DMXL2: variants seen among roughly 807,000 people sequenced by gnomAD.
DMXL2 encodes Dmx like 2, also known as dmX-like protein 2.
Under a neutral mutation model 331.1 loss-of-function variants are expected in DMXL2, and 103 were observed. The observed-to-expected ratio is 0.31, with a 90% CI of 0.27 to 0.37. The LOEUF (loss-of-function observed/expected upper bound fraction) is 0.37, where lower values mean the gene tolerates loss of function less well. Among genes scored for constraint, DMXL2 ranks in the 10% least tolerant of loss-of-function variants. The pLI is 1.00. For missense variants in DMXL2, 3,171 were observed against 3,642.9 expected (o/e 0.87, Z 3.33); for synonymous variants, 1,281 against 1,252.1 (o/e 1.02, Z -0.49).
intron 8 of DMXL2, among the ~76,000 whole-genome samples, chr15:51,543,707 G>GT (rs2048733043): frequency 6.6e-6 from 1 of 152,036 alleles, no homozygotes; most frequent in Non-Finnish European, 1.5e-5. Context: ...CAAGTGGCTC[G>GT]TAAGTCAGAC....
At chr15:51,568,590 AG>A (rs2050447463) in intron 2 of DMXL2, 32 bp from the exon 3 acceptor site, 1 of 1,369,912 alleles carries the variant, frequency 7.3e-7, no homozygotes, top group South Asian at 1.3e-5. Flanking sequence ...ATTAATATCT[AG>A]AAAAGGGTAA....
rs1370723425 is a variant in DMXL2 at position 51,507,187 on chromosome 15, T to C, written c.2711A>G (p.Asn904Ser). The change falls in exon 16 of 44, where the codon AAC (asparagine) becomes AGC (serine). Residue 904 changes from asparagine to serine, a missense_variant. Asn to Ser is a conservative substitution (Grantham distance 46). Around this residue, in one of 7 missense-constraint regions of DMXL2, gnomAD observed 1,674 missense variants for 1,780.2 expected, o/e 0.94. Transcript: ENST00000560891. Reference protein sequence around the residue: ...LVVIEKDSNNNSILHMWHLHL... With the variant: ...LVVIEKDSNNSSILHMWHLHL... ...AAGGTGCCACATATGCAGAATAGAGTTATTATTGCTGTCCTTCTCAATTAC... is the reference window on the plus strand; with the variant it reads ...AAGGTGCCACATATGCAGAATAGAGCTATTATTGCTGTCCTTCTCAATTAC... The C allele has an allele frequency of 6.2e-7, 1 of 1,611,046 alleles. No homozygotes were observed. The highest frequency in any genetic ancestry group is 8.5e-7 in the Non-Finnish European group (1 of 1,178,300).
intron 8 of DMXL2, among the ~76,000 whole-genome samples, chr15:51,544,716 C>T (rs926823050): frequency 6.6e-6 from 1 of 152,028 alleles, no homozygotes; most frequent in Non-Finnish European, 1.5e-5. Flanking sequence ...AGACTGTAAA[C>T]AAATTAAGTA....
intron 1 of DMXL2, among the ~76,000 whole-genome samples, chr15:51,589,444 TCAGTA>T (rs1475094677): frequency 6.6e-6 from 1 of 152,208 alleles, no homozygotes; most frequent in Admixed American, 6.5e-5. Flanking sequence ...TGCTCTTACT[TCAGTA>T]CATTTGCCTC....
At chr15:51,475,989 T>C (rs1048554301) in intron 27 of DMXL2, among the ~76,000 whole-genome samples, 1 of 152,342 alleles carries the variant, frequency 6.6e-6, no homozygotes, top group South Asian at 2.1e-4. Flanking sequence ...TTGCAATTTT[T>C]TGCAAGTCTG....
rs71127197 is a variant in DMXL2 at position 51,566,232 on chromosome 15, GGTGTGTGTGTGTGTGTGTGTGTGTGTGT to G, written c.286-1094_286-1067del. Among the ~76,000 whole-genome samples, 210 of 144,840 alleles carry G rather than the reference GGTGTGTGTGTGTGTGTGTGTGTGTGTGT, an allele frequency of 1.4e-3. 2 individuals carry two copies. Among genetic ancestry groups the G allele is most frequent in the Non-Finnish European group, 2.3e-3 (153 of 66,544 alleles). ...ATATCTAAAAAAAATGTGTGTGTGGGGTGTGTGTGTGTGTGTGTGTGTGTGTGTGTGTGTGTGTGTGTGTGTGCATCTG... is the reference window on the plus strand; with the variant it reads ...ATATCTAAAAAAAATGTGTGTGTGGGGTGTGTGTGTGTGTGTGTGCATCTG... On this transcript the variant is annotated intron_variant, in intron 3 of 43. Transcript: ENST00000560891.
At chr15:51,502,236 A>C (rs1263477280) in intron 17 of DMXL2, among the ~76,000 whole-genome samples, 3 of 151,556 alleles carry the variant, frequency 2.0e-5, no homozygotes, top group Non-Finnish European at 4.4e-5. Context: ...CCGTCTAAAA[A>C]AAAAAAAAAA....
At chr15:51,598,137 C>G (rs1240820880) in intron 1 of DMXL2, among the ~76,000 whole-genome samples, 1 of 152,128 alleles carries the variant, frequency 6.6e-6, no homozygotes, top group Non-Finnish European at 1.5e-5. Flanking sequence ...TATCATTAAT[C>G]TCCTTTTATG....
intron 8 of DMXL2, among the ~76,000 whole-genome samples, chr15:51,544,424 A>G (rs2048780604): frequency 6.6e-6 from 1 of 152,136 alleles, no homozygotes; most frequent in Admixed American, 6.5e-5. Context: ...CTAGAAGCCA[A>G]CCAGATTCTG....
chr15:51,494,967 C>T, intron 19 of DMXL2, 57 bp downstream of exon 19: 2 of 1,225,498 alleles, frequency 1.6e-6, no homozygotes, highest in Non-Finnish European at 2.4e-6. Context: ...ATGATACACC[C>T]CATCGCTCCA....
chr15:51,596,193 G>T, intron 1 of DMXL2, among the ~76,000 whole-genome samples: 1 of 152,108 alleles, frequency 6.6e-6, no homozygotes, highest in African/African-American at 2.4e-5. Context: ...CTAATATCCA[G>T]AATCTACAAT....
intron 1 of DMXL2, among the ~76,000 whole-genome samples, chr15:51,599,584 C>A (rs1420628535): frequency 2.6e-5 from 4 of 152,220 alleles, no homozygotes. Context: ...TGTATACATA[C>A]ACACATTATT....
At position 51,480,428 on chromosome 15, in the gene DMXL2, T is replaced by C. The variant is rs1422285482; in HGVS notation, c.6564+114A>G. 3 of 1,275,130 alleles carry C rather than the reference T, an allele frequency of 2.4e-6. No homozygotes were observed. The African/African-American group carries it at 4.5e-5, about 19-fold the overall frequency. 79.0% of individuals were successfully genotyped at this position (1,275,130 alleles called of 1,614,324 possible). A position where few individuals can be genotyped will look rare whatever the true frequency, so the allele number is the denominator to read the frequency against. ...ATCTGCCTCCTATAAAGAGAGGAGC[T>C]GAACATATTTAGATTAACTAGTAAA... On this transcript the variant is annotated intron_variant, in intron 24 of 43. Coordinates refer to ENST00000560891, the MANE Select transcript of DMXL2 (RefSeq NM_001378457.1).
chr15:51,531,940 C>G (rs2048025038), intron 13 of DMXL2, among the ~76,000 whole-genome samples: 1 of 152,136 alleles, frequency 6.6e-6, no homozygotes, highest in Non-Finnish European at 1.5e-5. Flanking sequence ...TAAATTAGTA[C>G]AACCATGATA....
chr15:51,455,481 C>G (rs1253551930), intron 39 of DMXL2, among the ~76,000 whole-genome samples: 1 of 152,154 alleles, frequency 6.6e-6, no homozygotes, highest in Non-Finnish European at 1.5e-5. Flanking sequence ...TTACTATAAC[C>G]TCAAACTCCT....
chr15:51,528,683 C>T (rs575633124), intron 13 of DMXL2, among the ~76,000 whole-genome samples: 19 of 152,158 alleles, frequency 1.2e-4, no homozygotes, highest in South Asian at 8.3e-4. Context: ...CTTGAGACTT[C>T]GACATCACTC....
intron 13 of DMXL2, among the ~76,000 whole-genome samples, chr15:51,533,306 TCACCGTGCCTGGCTA>T (rs2048109189): frequency 1.3e-5 from 2 of 152,024 alleles, no homozygotes; most frequent in South Asian, 4.1e-4. Flanking sequence ...CAGGTGTGAG[TCACCGTGCCTGGCTA>T]CATTATATTT....
intron 20 of DMXL2, 87 bp downstream of exon 20, chr15:51,491,491 A>G: frequency 2.2e-6 from 3 of 1,341,176 alleles, no homozygotes; most frequent in South Asian, 2.6e-5. Flanking sequence ...CAAATTTCCC[A>G]CTACAGGTTT....
chr15:51,614,003 G>A lies in DMXL2; in HGVS notation c.87+8456C>T, dbSNP rs76187455. Among the ~76,000 whole-genome samples the A allele has an allele frequency of 6.6e-5, 10 of 152,280 alleles. No homozygotes were observed. In the East Asian group the frequency reaches 1.7e-3, roughly 26 times the overall value. ...ATATTGTGTAACCCCAAAATTCATA[G>A]CTTGAAACTCTAACTACCAACGTGA... On this transcript the variant is annotated intron_variant, in intron 1 of 43. Coordinates refer to ENST00000560891, the MANE Select transcript of DMXL2 (RefSeq NM_001378457.1).
Sources: gnomAD v4.1 joint callset for allele counts (sites outside exome capture counted in the v4.1 genomes callset) on GRCh38, gnomAD v4.1.1 for gene constraint, gnomAD v4.1.1 regional missense constraint, MANE v1.5 for transcripts, NCBI Gene and HGNC (gene_info 2026-07-23, HGNC 2026-07-21) for gene names.